The following KHDRBS2 variants were observed in gnomAD, a reference collection of about 807,000 sequenced individuals.
KHDRBS2 encodes KH domain-containing, RNA-binding, signal transduction-associated protein 2.
Under a neutral mutation model 44.3 loss-of-function variants are expected in KHDRBS2, and 26 were observed. The observed-to-expected ratio is 0.59, with a 90% CI of 0.43 to 0.81. The LOEUF (loss-of-function observed/expected upper bound fraction) is 0.81, where lower values mean the gene tolerates loss of function less well. Among genes scored for constraint, KHDRBS2 ranks in the 40% least tolerant of loss-of-function variants. The probability of loss-of-function intolerance (pLI) is 0.00; values close to 1 mark genes in which losing one functional copy is unlikely to be tolerated. For synonymous variants in KHDRBS2, 194 were observed against 151.1 expected (o/e 1.28, Z -2.08); for missense variants, 476 against 433.1 (o/e 1.10, Z -0.88).
At chr6:62,135,282 CT>C (rs1322181006) in intron 2 of KHDRBS2, among the ~76,000 whole-genome samples, 1 of 152,184 alleles carries the variant, frequency 6.6e-6, no homozygotes, top group Non-Finnish European at 1.5e-5. Context: ...CTCATTCTCT[CT>C]TTGCCTGCTG....
intron 6 of KHDRBS2, among the ~76,000 whole-genome samples, chr6:61,810,305 C>G (rs1038281337): frequency 6.6e-6 from 1 of 151,908 alleles, no homozygotes; most frequent in African/African-American, 2.4e-5. Flanking sequence ...AGGTCAGGCC[C>G]GAGGTTGATG....
intron 4 of KHDRBS2, among the ~76,000 whole-genome samples, chr6:61,924,416 A>C (rs1808595981): frequency 6.6e-6 from 1 of 152,090 alleles, no homozygotes; most frequent in Non-Finnish European, 1.5e-5. Flanking sequence ...ATACATCAAA[A>C]CATTAAATTA....
intron 4 of KHDRBS2, among the ~76,000 whole-genome samples, chr6:61,923,529 A>G (rs773254598): frequency 1.3e-5 from 2 of 152,148 alleles, no homozygotes; most frequent in African/African-American, 2.4e-5. Flanking sequence ...ATATTTAAAA[A>G]TCAATCAGTG....
At chr6:62,190,888 C>T (rs1476113495) in intron 1 of KHDRBS2, among the ~76,000 whole-genome samples, 5 of 152,094 alleles carry the variant, frequency 3.3e-5, no homozygotes, top group African/African-American at 9.7e-5. Flanking sequence ...GAGCTTCTCT[C>T]ATATGGAGCT....
the KHDRBS2 span, among the ~76,000 whole-genome samples, chr6:61,664,669 T>C: frequency 1.3e-5 from 2 of 151,728 alleles, no homozygotes; most frequent in Non-Finnish European, 3.0e-5. Context: ...AACTTCCTGC[T>C]AAGAACACAA....
the KHDRBS2 span, among the ~76,000 whole-genome samples, chr6:61,673,894 T>C: frequency 7.4e-5 from 11 of 149,520 alleles, no homozygotes; most frequent in African/African-American, 2.2e-4. Context: ...AAGCTACCAA[T>C]GACTTTCTTC....
intron 6 of KHDRBS2, among the ~76,000 whole-genome samples, chr6:61,883,366 A>G (rs1800479202): frequency 6.6e-6 from 1 of 152,012 alleles, no homozygotes; most frequent in Non-Finnish European, 1.5e-5. Flanking sequence ...ACTTTATGAT[A>G]TAATACTTTA....
the KHDRBS2 span, among the ~76,000 whole-genome samples, chr6:61,602,420 A>G: frequency 1.3e-5 from 2 of 152,104 alleles, no homozygotes; most frequent in South Asian, 4.2e-4. Context: ...CCTGTAGCCC[A>G]GGATTCCTCC....
At chr6:61,921,758 C>T (rs1380388699) in intron 4 of KHDRBS2, among the ~76,000 whole-genome samples, 7 of 151,844 alleles carry the variant, frequency 4.6e-5, no homozygotes, top group East Asian at 1.9e-4. Context: ...AGTTTTCCAC[C>T]GTTTTGCCAC....
the KHDRBS2 span, among the ~76,000 whole-genome samples, chr6:61,587,194 C>G: frequency 1.7e-4 from 26 of 152,126 alleles, no homozygotes; most frequent in African/African-American, 6.0e-4. Flanking sequence ...ACAGCTTGGG[C>G]CTTATATCAA....
chr6:62,152,814 C>T (rs918968313), intron 2 of KHDRBS2, among the ~76,000 whole-genome samples: 4 of 152,162 alleles, frequency 2.6e-5, no homozygotes, highest in Non-Finnish European at 4.4e-5. Context: ...TCAGGAGTGA[C>T]TGAGAAGTAA....
intron 2 of KHDRBS2, among the ~76,000 whole-genome samples, chr6:62,101,576 AG>A (rs1452920135): frequency 6.6e-6 from 1 of 152,188 alleles, no homozygotes; most frequent in East Asian, 1.9e-4. Context: ...CAGCCAGGGA[AG>A]AATAGTAGGA....
chr6:61,813,551 T>G (rs1463602553), intron 6 of KHDRBS2, among the ~76,000 whole-genome samples: 1 of 152,202 alleles, frequency 6.6e-6, no homozygotes, highest in Admixed American at 6.5e-5. Flanking sequence ...TAAGCTAATA[T>G]TAGAAGAGTA....
chr6:61,916,233 T>G (rs1273787438), intron 4 of KHDRBS2, among the ~76,000 whole-genome samples: 1 of 152,030 alleles, frequency 6.6e-6, no homozygotes, highest in African/African-American at 2.4e-5. Flanking sequence ...CTGTATTGTT[T>G]TAAGTTATTG....
At chr6:62,252,667 T>G (rs1836746658) in intron 1 of KHDRBS2, among the ~76,000 whole-genome samples, 1 of 152,020 alleles carries the variant, frequency 6.6e-6, no homozygotes, top group Non-Finnish European at 1.5e-5. Flanking sequence ...TTAAAATAAC[T>G]TTCAATCTTT....
At chr6:61,746,245 G>A (rs1421296705) in intron 6 of KHDRBS2, among the ~76,000 whole-genome samples, 1 of 152,004 alleles carries the variant, frequency 6.6e-6, no homozygotes, top group Non-Finnish European at 1.5e-5. Context: ...AAGTTTAGAA[G>A]ACGTCATCTA....
chr6:62,282,438 T>G (rs983897064), intron 1 of KHDRBS2, among the ~76,000 whole-genome samples: 3 of 152,144 alleles, frequency 2.0e-5, no homozygotes, highest in Non-Finnish European at 4.4e-5. Context: ...TGCAAAGATT[T>G]CAGGCTAGAA....
chr6:61,633,720 A>G, the KHDRBS2 span, among the ~76,000 whole-genome samples: 1 of 152,044 alleles, frequency 6.6e-6, no homozygotes, highest in Non-Finnish European at 1.5e-5. Context: ...TTTGCCAAAT[A>G]TAAGAATGAG....
At chr6:62,126,409 G>A (rs964722622) in intron 2 of KHDRBS2, among the ~76,000 whole-genome samples, 1 of 152,158 alleles carries the variant, frequency 6.6e-6, no homozygotes, top group Non-Finnish European at 1.5e-5. Context: ...CCTGCCTAGG[G>A]CTAGGGAAAG....
Sources: gnomAD v4.1 joint callset for allele counts (sites outside exome capture counted in the v4.1 genomes callset) on GRCh38, gnomAD v4.1.1 for gene constraint, MANE v1.5 for transcripts, NCBI Gene and HGNC (gene_info 2026-07-23, HGNC 2026-07-21) for gene names.